The following ASIC2 variants were observed in gnomAD, a reference collection of about 807,000 sequenced individuals.
The protein encoded by ASIC2 is acid-sensing ion channel 2.
ASIC2 carries 25 observed loss-of-function variants against 57.3 expected under a neutral mutation model. The ratio of observed to expected loss-of-function variants is 0.44; its 90% CI spans 0.32 to 0.61. ASIC2 has a LOEUF of 0.61. Ranked by LOEUF, ASIC2 falls within the 20% of genes least tolerant of loss-of-function variation. ASIC2 has a pLI of 0.06. For missense variants in ASIC2, 641 were observed against 738.1 expected (o/e 0.87, Z 1.52); for synonymous variants, 319 against 307.5 (o/e 1.04, Z -0.39).
intron 1 of ASIC2, among the ~76,000 whole-genome samples, chr17:34,100,207 A>G (rs1439173884): frequency 1.3e-5 from 2 of 148,932 alleles, no homozygotes; most frequent in African/African-American, 5.0e-5. Flanking sequence ...TTTTAAATCA[A>G]TTGGTGATTC....
In ASIC2 at chr17:33,893,333, T is replaced by G. The variant is rs187780787; in HGVS notation, c.555+262645A>C. Among the ~76,000 whole-genome samples the G allele has an allele frequency of 9.4e-4, 143 of 152,300 alleles. 1 individual carries two copies. Among genetic ancestry groups the G allele is most frequent in the African/African-American group, 3.4e-3 (141 of 41,566 alleles). ...AGGAGCTGTAATGAGTAACACACTTTGGGCCCTGAGCCTGGAGTTCTAGAC... is the reference window on the plus strand; with the variant it reads ...AGGAGCTGTAATGAGTAACACACTTGGGGCCCTGAGCCTGGAGTTCTAGAC... On this transcript the variant is annotated intron_variant, in intron 1 of 9. Transcript: ENST00000359872.
At chr17:33,883,056 C>G (rs925639178) in intron 1 of ASIC2, among the ~76,000 whole-genome samples, 1 of 151,780 alleles carries the variant, frequency 6.6e-6, no homozygotes, top group African/African-American at 2.4e-5. Context: ...GGGAACTGAA[C>G]AATGAGAACA....
chr17:34,111,705 C>T lies in ASIC2; in HGVS notation c.555+44273G>A, dbSNP rs1911281275. On this transcript the variant is annotated intron_variant, in intron 1 of 9. Transcript: ENST00000359872. ...CATTCAAATGCAGTCTGATTCCAAT[C>T]CCGTTTCTTCTCCTACAAAACACTG... 5.3e-5 allele frequency among the ~76,000 whole-genome samples: 8 copies of T among 152,282 alleles called. No homozygotes were observed. The South Asian group carries it at 1.5e-3, about 28-fold the overall frequency.
At chr17:33,567,115 ACAAGG>A (rs1049643688) in intron 1 of ASIC2, among the ~76,000 whole-genome samples, 11 of 152,136 alleles carry the variant, frequency 7.2e-5, no homozygotes, top group Non-Finnish European at 1.2e-4. Flanking sequence ...TGACTATGAA[ACAAGG>A]CTGGAGGAGG....
At chr17:33,329,100 C>G (rs921605937) in intron 1 of ASIC2, among the ~76,000 whole-genome samples, 3 of 152,084 alleles carry the variant, frequency 2.0e-5, no homozygotes, top group Non-Finnish European at 4.4e-5. Context: ...GCAGGAATGG[C>G]TAGGTGATAA....
At chr17:33,696,893 T>A (rs1329093695) in intron 1 of ASIC2, among the ~76,000 whole-genome samples, 2 of 152,236 alleles carry the variant, frequency 1.3e-5, no homozygotes, top group Admixed American at 1.3e-4. Flanking sequence ...TGGATGTGTG[T>A]CCCTTCCCAA....
Position 33,504,485 on chromosome 17 carries a change from C to T in ASIC2, c.556-392418G>A, listed in dbSNP as rs141936117. On this transcript the variant is annotated intron_variant, in intron 1 of 9. Transcript: ENST00000359872. ...TCCCATTTAGCTGGGATTACGGGTG[C>T]GCCACCACCACACCCAGCTAATTTT... is the stretch of plus-strand genomic sequence containing the variant. Among the ~76,000 whole-genome samples the T allele has an allele frequency of 2.3e-3, 357 of 152,158 alleles. 5 individuals carry two copies. The highest frequency in any genetic ancestry group is 0.01 in the Middle Eastern group (3 of 294).
intron 1 of ASIC2, among the ~76,000 whole-genome samples, chr17:33,806,139 C>G (rs1274953881): frequency 6.6e-6 from 1 of 152,114 alleles, no homozygotes; most frequent in Admixed American, 6.5e-5. Context: ...ATCACACAAA[C>G]CAGGGATAAG....
chr17:33,145,368 G>A (rs1009166386), intron 1 of ASIC2, among the ~76,000 whole-genome samples: 2 of 152,298 alleles, frequency 1.3e-5, no homozygotes, highest in Admixed American at 1.3e-4. Context: ...CCCTGCCTGC[G>A]GTCTGAGCAA....
At chr17:33,956,958 G>A (rs915283817) in intron 1 of ASIC2, among the ~76,000 whole-genome samples, 2 of 152,202 alleles carry the variant, frequency 1.3e-5, no homozygotes, top group Non-Finnish European at 2.9e-5. Flanking sequence ...GCTGCTCTGT[G>A]GCCACCTGGC....
At position 33,169,751 on chromosome 17, in the gene ASIC2, C is replaced by T. The variant is rs531885742; in HGVS notation, c.709-57684G>A. On this transcript the variant is annotated intron_variant, in intron 1 of 9. Transcript: ENST00000225823. ...CTGCTGAGTCTCACATCCTTCTCTG[C>T]CATATATAGCAGAGGGGGTTTCTGG... is the stretch of plus-strand genomic sequence containing the variant. Among the ~76,000 whole-genome samples, 58 of 152,274 alleles carry T rather than the reference C, an allele frequency of 3.8e-4. No individual in the cohort carries two copies. In the South Asian group the frequency reaches 0.012, roughly 31 times the overall value.
intron 1 of ASIC2, among the ~76,000 whole-genome samples, chr17:33,646,714 C>T (rs765444975): frequency 2.6e-4 from 39 of 152,158 alleles, no homozygotes; most frequent in Non-Finnish European, 5.0e-4. Flanking sequence ...ATGGGGCTGT[C>T]GGTGAGGGAT....
intron 1 of ASIC2, among the ~76,000 whole-genome samples, chr17:33,888,643 A>G (rs72818935): frequency 0.17 from 25,860 of 152,042 alleles, 2,317 homozygotes; most frequent in African/African-American, 0.24. Flanking sequence ...CCAGGGGCCA[A>G]AGGAGTGAGT....
upstream of ASIC2, among the ~76,000 whole-genome samples, chr17:33,294,801 T>G (rs547058045): frequency 2.6e-5 from 4 of 152,298 alleles, no homozygotes; most frequent in East Asian, 7.7e-4. Flanking sequence ...GAAAAAGCTA[T>G]TGCAGTTGGG....
intron 1 of ASIC2, among the ~76,000 whole-genome samples, chr17:34,098,528 G>T (rs1282607528): frequency 6.6e-6 from 1 of 152,158 alleles, no homozygotes; most frequent in Non-Finnish European, 1.5e-5. Flanking sequence ...TCAGGGAAGG[G>T]CCCTGGGAGA....
intron 1 of ASIC2, among the ~76,000 whole-genome samples, chr17:33,916,249 CTT>C (rs1393532834): frequency 6.6e-6 from 1 of 152,164 alleles, no homozygotes; most frequent in Non-Finnish European, 1.5e-5. Context: ...GCACATGAGA[CTT>C]TTTCTGAGGC....
chr17:33,907,487 ATCTC>A (rs1019124361), intron 1 of ASIC2, among the ~76,000 whole-genome samples: 2 of 151,870 alleles, frequency 1.3e-5, no homozygotes, highest in African/African-American at 4.8e-5. Flanking sequence ...TCTGAAAATG[ATCTC>A]TCTTTGTCAT....
chr17:33,945,224 T>A (rs1320104550), intron 1 of ASIC2, among the ~76,000 whole-genome samples: 1 of 152,064 alleles, frequency 6.6e-6, no homozygotes, highest in African/African-American at 2.4e-5. Context: ...AGTTACAATG[T>A]CGATTTCACA....
chr17:33,407,990 C>A (rs1048240069), intron 1 of ASIC2, among the ~76,000 whole-genome samples: 1 of 151,472 alleles, frequency 6.6e-6, no homozygotes, highest in Non-Finnish European at 1.5e-5. Context: ...GGTGGGGAGG[C>A]ATTTGGGGCC....
Sources: gnomAD v4.1 joint callset for allele counts (sites outside exome capture counted in the v4.1 genomes callset) on GRCh38, gnomAD v4.1.1 for gene constraint, MANE v1.5 for transcripts, NCBI Gene and HGNC (gene_info 2026-07-23, HGNC 2026-07-21) for gene names.